PARP10: variants seen among roughly 807,000 people sequenced by gnomAD.
PARP10 encodes the protein protein mono-ADP-ribosyltransferase PARP10.
In PARP10, 56 loss-of-function variants were observed where a neutral mutation model predicts 82.4. That is an observed-to-expected ratio of 0.68 (90% CI 0.55 to 0.85). PARP10 has a LOEUF of 0.85. Ranked by LOEUF, PARP10 falls within the 40% of genes least tolerant of loss-of-function variation. The pLI, the probability that PARP10 is intolerant of heterozygous loss-of-function variation, is 0.00. For synonymous variants in PARP10, 576 were observed against 601.1 expected (o/e 0.96, Z 0.61); for missense variants, 1,227 against 1,379.4 (o/e 0.89, Z 1.75).
intron 1 of PARP10, among the ~76,000 whole-genome samples, chr8:144,010,712 A>G (rs1255502142): frequency 1.3e-5 from 2 of 150,908 alleles, no homozygotes; most frequent in African/African-American, 4.9e-5. Context: ...CCATGTCTAC[A>G]AAAAAAAATG....
upstream of PARP10, among the ~76,000 whole-genome samples, chr8:143,993,961 G>C (rs1834140370): frequency 6.6e-6 from 1 of 152,198 alleles, no homozygotes; most frequent in Non-Finnish European, 1.5e-5. Context: ...CGGTCCTTTG[G>C]AGCCCTCAGC....
At position 143,977,361 on chromosome 8, in the gene PARP10, C is replaced by G. The variant is rs1833712789; in HGVS notation, c.*123G>C. ...CATCCCCCACACCGCCTTCTGGAGCCCGCAGAGGGAGGCAGGGGCGTCCCC... is the reference window on the plus strand; with the variant it reads ...CATCCCCCACACCGCCTTCTGGAGCGCGCAGAGGGAGGCAGGGGCGTCCCC... On this transcript the variant is annotated 3_prime_UTR_variant, in exon 11 of 11. Coordinates refer to ENST00000313028, the MANE Select transcript of PARP10 (RefSeq NM_032789.5). 9.8e-7 allele frequency: 1 copy of G among 1,015,806 alleles called. No homozygotes were observed. The highest frequency in any genetic ancestry group is 1.4e-6 in the Non-Finnish European group (1 of 717,534). The allele number at this position is 1,015,806 out of a possible 1,614,324, so 62.9% of individuals were successfully genotyped here.
upstream of PARP10, among the ~76,000 whole-genome samples, chr8:143,988,232 G>A (rs148033465): frequency 4.4e-3 from 38 of 8,720 alleles, 19 homozygotes; most frequent in African/African-American, 0.015. Flanking sequence ...TCACTGCAAC[G>A]TCCACCCACT....
intron 9 of PARP10, among the ~76,000 whole-genome samples, chr8:143,979,745 G>A (rs782005131): frequency 5.3e-5 from 8 of 152,150 alleles, no homozygotes; most frequent in South Asian, 2.1e-4. Flanking sequence ...ACCCCGTCTC[G>A]CTGGGCATGG....
At chr8:143,983,121 C>A (rs1833901033) in intron 8 of PARP10, 46 bp downstream of exon 8, 1 of 1,612,252 alleles carries the variant, frequency 6.2e-7, no homozygotes, top group South Asian at 1.1e-5. Context: ...CTAGCCCCTG[C>A]TAACCAGCCC....
Position 143,985,146 on chromosome 8 carries a change from C to T in PARP10, c.856G>A (p.Ala286Thr), listed in dbSNP as rs782808659. The T allele has an allele frequency of 2.5e-6, 4 of 1,614,136 alleles. No homozygotes were observed. Among genetic ancestry groups the T allele is most frequent in the Admixed American group, 3.3e-5 (2 of 60,032 alleles). Reference protein sequence around the residue: ...ALLRTGGLVTALQGAGTVTMG... With the variant: ...ALLRTGGLVTTLQGAGTVTMG... ...GTCACAGTCCCTGCACCCTGCAGAG[C>T]CGTCACCAACCCTCCGGTCCTCAGG... Residue 286 changes from alanine to threonine, a missense_variant, in exon 5 of 11, where the codon GCT (alanine) becomes ACT (threonine). Coordinates refer to ENST00000313028, the MANE Select transcript of PARP10 (RefSeq NM_032789.5).
At chr8:143,997,248 C>T (rs1256179955) in intron 1 of PARP10, among the ~76,000 whole-genome samples, 1 of 152,174 alleles carries the variant, frequency 6.6e-6, no homozygotes, top group Non-Finnish European at 1.5e-5. Flanking sequence ...TGGATAATAC[C>T]TCTTCTCTCT....
chr8:143,985,862 C>T lies in PARP10; in HGVS notation c.295G>A (p.Gly99Ser). The change falls in exon 3 of 11, where the codon GGC (glycine) becomes AGC (serine). Residue 99 changes from glycine to serine, a missense_variant. Gly to Ser is a moderately conservative substitution (Grantham distance 56, BLOSUM62 0). Coordinates refer to ENST00000313028, the MANE Select transcript of PARP10 (RefSeq NM_032789.5). ...TGCTCCAAGCGCTGGGGCGTGGTGC[C>T]AGGGGGCAGTCCTTGGAGCAGCAGG... ...ARLLLQGLPP[G>S]TTPQRLEQHV... is the part of the protein sequence containing the mutation. 6.2e-7 allele frequency: 1 copy of T among 1,608,512 alleles called. No homozygotes were observed. Among genetic ancestry groups the T allele is most frequent in the Non-Finnish European group, 8.5e-7 (1 of 1,177,554 alleles).
chr8:143,992,236 C>G (rs1554750661), upstream of PARP10: 2 of 1,604,050 alleles, frequency 1.2e-6, no homozygotes, highest in South Asian at 1.1e-5. Context: ...CTGTGTCTCC[C>G]AACTGCAGTC....
intron 9 of PARP10, among the ~76,000 whole-genome samples, chr8:143,979,034 A>G (rs919659071): frequency 6.7e-6 from 1 of 149,702 alleles, no homozygotes; most frequent in Admixed American, 6.7e-5. Flanking sequence ...GTGCAGTGGC[A>G]CGATCTCGGC....
At position 143,984,023 on chromosome 8, in the gene PARP10, C is replaced by A; in HGVS notation, c.1762G>T (p.Glu588Ter). The A allele has an allele frequency of 1.3e-6, 2 of 1,519,732 alleles. No individual in the cohort carries two copies. The highest frequency in any genetic ancestry group is 1.8e-6 in the Non-Finnish European group (2 of 1,134,852). 94.1% of individuals were successfully genotyped at this position (1,519,732 alleles called of 1,614,324 possible). ...GGAGCCCTACCCAGGCTCACGTCCT[C>A]CTGGTCACCACCTGTACTGTCTGGG... ...WTPDSTGGDQEDVSLEEVREL... is the reference protein window; with the variant it reads ...WTPDSTGGDQ Residue 588 changes from glutamate to a stop codon, truncating the protein, a stop_gained, in exon 7 of 11, where the codon GAG becomes TAG. Coordinates refer to ENST00000313028, the MANE Select transcript of PARP10 (RefSeq NM_032789.5). LOFTEE classifies it high-confidence loss of function.
upstream of PARP10, chr8:143,992,769 G>T: frequency 6.2e-7 from 1 of 1,613,818 alleles, no homozygotes; most frequent in Non-Finnish European, 8.5e-7. Context: ...TGTTTGCTGC[G>T]CTGAACCTGT....
At position 143,997,787 on chromosome 8, in the gene PARP10, CT is replaced by C. The variant is rs797029966; in HGVS notation, c.-79-11350del. Among the ~76,000 whole-genome samples, 256 of 143,296 alleles carry C rather than the reference CT, an allele frequency of 1.8e-3. 1 individual carries two copies. The highest frequency in any genetic ancestry group is 1.8e-3 in the African/African-American group (71 of 39,204). The allele number at this position is 143,296 out of a possible 152,430, so 94.0% of individuals were successfully genotyped here. ...CACATAAAATTTGCTACACAAAATT[CT>C]TTTTTTTTTTTCCTTTTTTTTGAGA... On this transcript the variant is annotated intron_variant, in intron 1 of 3. Transcript: ENST00000530478.
intron 1 of PARP10, among the ~76,000 whole-genome samples, chr8:143,997,815 A>G (rs1834174055): frequency 6.6e-6 from 1 of 150,892 alleles, no homozygotes; most frequent in Admixed American, 6.6e-5. Flanking sequence ...TTTTTGAGAC[A>G]GGGTTTTACT....
In PARP10 at chr8:143,985,483, C is replaced by A. The variant is rs781950101; in HGVS notation, c.602G>T (p.Gly201Val). 1 of 1,613,674 alleles carries A rather than the reference C, an allele frequency of 6.2e-7. No individual in the cohort carries two copies. The highest frequency in any genetic ancestry group is 2.2e-5 in the East Asian group (1 of 44,842). Residue 201 changes from glycine to valine, a missense_variant, in exon 4 of 11, where the codon GGG becomes GTG. Gly to Val is a moderately radical substitution (Grantham distance 109, BLOSUM62 -3). Coordinates refer to ENST00000313028, the MANE Select transcript of PARP10 (RefSeq NM_032789.5). The part of the protein sequence containing the change: ...LYLENERRSG[G>V]GPLEDLQRLP... ...GCGTTGCAGGTCCTCCAGGGGCCCC[C>A]CACCACTGCGGCGCTCATTCTCCAG...
Position 143,985,020 on chromosome 8 carries a change from G to C in PARP10, c.982C>G (p.Pro328Ala), listed in dbSNP as rs142578335. 312 of 1,613,922 alleles carry C rather than the reference G, an allele frequency of 1.9e-4. 6 individuals are homozygous for C. The African/African-American group carries it at 3.5e-3, about 18-fold the overall frequency. ...GIMTTGSGQEPGQSGTSLRTG... is the reference protein window; with the variant it reads ...GIMTTGSGQEAGQSGTSLRTG... ...CTCAGAGAGGTCCCTGACTGCCCTG[G>C]TTCCTGGCCAGAGCCTGTTGTCATA... The change falls in exon 5 of 11, where the codon CCA becomes GCA. Residue 328 changes from proline (P) to alanine (A), a missense_variant. Physicochemically the swap from Pro to Ala is conservative, Grantham distance 27 (BLOSUM62 -1). Transcript: ENST00000313028.
rs781814620 is a variant in PARP10 at position 143,986,381 on chromosome 8, C to A, written c.-22G>T. 4 of 1,614,152 alleles carry A rather than the reference C, an allele frequency of 2.5e-6. No individual in the cohort carries two copies. The highest frequency in any genetic ancestry group is 2.5e-6 in the Non-Finnish European group (3 of 1,180,006). On this transcript the variant is annotated 5_prime_UTR_variant, in exon 1 of 11. In the 5' UTR this introduces an upstream ATG that the reference lacks. Coordinates refer to ENST00000313028, the MANE Select transcript of PARP10 (RefSeq NM_032789.5). ...ACATTCCCCGTGGCCGCTAGGCAGC[C>A]TCAGGCCATGAGCTCAGCCAGGACT...
upstream of PARP10, among the ~76,000 whole-genome samples, chr8:143,995,207 TCAGG>T (rs1437608324): frequency 2.6e-5 from 4 of 152,134 alleles, no homozygotes; most frequent in Admixed American, 2.6e-4. Context: ...TGAAGGGCAC[TCAGG>T]CAGGGGCCAC....
chr8:144,011,453 C>G lies in PARP10; in HGVS notation c.-80+1077G>C, dbSNP rs1834281902. Among the ~76,000 whole-genome samples, 1 of 152,142 alleles carries G rather than the reference C, an allele frequency of 6.6e-6. No homozygotes were observed. Among genetic ancestry groups the G allele is most frequent in the South Asian group, 2.1e-4 (1 of 4,822 alleles). ...CTGACCTTCTTCCCCTTCCTCATTCCCACATTCTACCAGGAGTCTGTCCTC... is the reference window on the plus strand; with the variant it reads ...CTGACCTTCTTCCCCTTCCTCATTCGCACATTCTACCAGGAGTCTGTCCTC... On this transcript the variant is annotated intron_variant, in intron 1 of 3. Transcript: ENST00000530478. The surrounding 1 kb of genome is among the most constrained non-coding windows in gnomAD (Gnocchi z 4.5).
Sources: allele counts gnomAD v4.1 joint callset (sites outside exome capture counted in the v4.1 genomes callset), GRCh38; gene constraint gnomAD v4.1.1; non-coding constraint Gnocchi (gnomAD v3.1); transcripts MANE v1.5; gene names NCBI Gene and HGNC (gene_info 2026-07-23, HGNC 2026-07-21).